The following NFIB variants were observed in gnomAD, a reference collection of about 807,000 sequenced individuals.
NFIB encodes nuclear factor I B.
In NFIB, 11 loss-of-function variants were observed where a neutral mutation model predicts 61.5. That is an observed-to-expected ratio of 0.18 (90% CI 0.11 to 0.30). The LOEUF (loss-of-function observed/expected upper bound fraction) is 0.30, where lower values mean the gene tolerates loss of function less well. Ranked by LOEUF, NFIB falls within the 10% of genes least tolerant of loss-of-function variation. NFIB has a pLI of 1.00. For missense variants in NFIB, 471 were observed against 608.9 expected, an observed-to-expected ratio of 0.77 and a Z score of 2.38; for synonymous variants, 260 against 216.5, an observed-to-expected ratio of 1.20 and a Z score of -1.76.
chr9:14,464,167 T>C, the NFIB span, among the ~76,000 whole-genome samples: 35 of 152,250 alleles, frequency 2.3e-4, no homozygotes, highest in African/African-American at 6.7e-4. Flanking sequence ...AAATTGAAGA[T>C]AGAGAGACCA....
At chr9:14,420,492 G>C in the NFIB span, among the ~76,000 whole-genome samples, 2 of 137,978 alleles carry the variant, frequency 1.4e-5, no homozygotes, top group South Asian at 2.3e-4. Flanking sequence ...AGAAAGGCTG[G>C]AAAGATAATC....
At chr9:14,367,233 T>A (rs528552409) in intron 1 of NFIB, among the ~76,000 whole-genome samples, 3 of 152,108 alleles carry the variant, frequency 2.0e-5, no homozygotes, top group African/African-American at 7.2e-5. Context: ...GAGACAAACA[T>A]GTTAACAAGG....
At chr9:14,314,797 T>C (rs74646167), upstream of NFIB, among the ~76,000 whole-genome samples, 2,441 of 148,082 alleles carry the variant, frequency 0.016, 41 homozygotes, top group Non-Finnish European at 0.025. Flanking sequence ...ATGACTTTTT[T>C]TTTTTTTCCA....
At chr9:14,478,385 C>G in the NFIB span, among the ~76,000 whole-genome samples, 6 of 152,180 alleles carry the variant, frequency 3.9e-5, no homozygotes, top group Non-Finnish European at 8.8e-5. Context: ...CTCCTTCCTT[C>G]AAACATACAG....
intron 1 of NFIB, among the ~76,000 whole-genome samples, chr9:14,365,947 G>T (rs537519436): frequency 6.6e-6 from 1 of 152,270 alleles, no homozygotes; most frequent in South Asian, 2.1e-4. Context: ...CCAGATGTGG[G>T]CTTAGGGATC....
At position 14,175,167 on chromosome 9, in the gene NFIB, C is replaced by CTTTTTTTTTT. The variant is rs55765054; in HGVS notation, c.616+4550_616+4559dup. On this transcript the variant is annotated intron_variant, in intron 3 of 10. Transcript: ENST00000380953. ...AAAATTTTTATGACTTAAAGAATTT[C>CTTTTTTTTTT]TTTTTTTTTTTTTTTTTTTTGAGAT... Among the ~76,000 whole-genome samples, 48 of 126,032 alleles carry CTTTTTTTTTT rather than the reference C, an allele frequency of 3.8e-4. 5 individuals carry two copies. The highest frequency in any genetic ancestry group is 1.5e-3 in the African/African-American group (46 of 30,536). The allele number at this position is 126,032 out of a possible 152,430, so 82.7% of individuals were successfully genotyped here. A position where few individuals can be genotyped will look rare whatever the true frequency, so the allele number is the denominator to read the frequency against.
the NFIB span, among the ~76,000 whole-genome samples, chr9:14,409,428 C>T: frequency 1.2e-4 from 18 of 152,206 alleles, no homozygotes; most frequent in South Asian, 6.2e-4. Context: ...ACCAGCCACA[C>T]GGCTGGATTG....
At chr9:14,462,937 C>G in the NFIB span, among the ~76,000 whole-genome samples, 4 of 152,262 alleles carry the variant, frequency 2.6e-5, no homozygotes, top group South Asian at 8.3e-4. Context: ...GTTTCAAAGG[C>G]TGATTGTAGT....
At chr9:14,297,095 A>T (rs984837461) in intron 2 of NFIB, among the ~76,000 whole-genome samples, 1 of 152,214 alleles carries the variant, frequency 6.6e-6, no homozygotes. Flanking sequence ...CTTTAACTCA[A>T]CAGGTGAGAT....
chr9:14,508,659 G>A, the NFIB span, among the ~76,000 whole-genome samples: 1 of 152,232 alleles, frequency 6.6e-6, no homozygotes, highest in South Asian at 2.1e-4. Flanking sequence ...AAGCCCGAAT[G>A]GGATGTGGTG....
chr9:14,408,640 G>T, the NFIB span, among the ~76,000 whole-genome samples: 1 of 152,152 alleles, frequency 6.6e-6, no homozygotes, highest in Non-Finnish European at 1.5e-5. Flanking sequence ...TCTTTATTTT[G>T]AATGGTCATG....
the NFIB span, among the ~76,000 whole-genome samples, chr9:14,428,778 G>A: frequency 6.6e-6 from 1 of 152,176 alleles, no homozygotes; most frequent in African/African-American, 2.4e-5. Flanking sequence ...GATTGCAGGT[G>A]GAGTCTGGTC....
chr9:14,306,884 A>T (rs1423062149), intron 2 of NFIB, 105 bp downstream of exon 2: 15 of 1,371,706 alleles, frequency 1.1e-5, no homozygotes, highest in Non-Finnish European at 1.4e-5. Flanking sequence ...AGGGTGGAGG[A>T]TATCTAGGGG....
At chr9:14,449,108 T>C in the NFIB span, among the ~76,000 whole-genome samples, 2 of 152,178 alleles carry the variant, frequency 1.3e-5, no homozygotes, top group Non-Finnish European at 2.9e-5. Context: ...TCCCAGACCT[T>C]AAAGGGCAGG....
At chr9:14,399,748 T>A (rs1380038859), upstream of NFIB, among the ~76,000 whole-genome samples, 1 of 152,184 alleles carries the variant, frequency 6.6e-6, no homozygotes, top group African/African-American at 2.4e-5. Flanking sequence ...AATACTGCAA[T>A]ATTCAGTGAG....
At chr9:14,251,445 C>T (rs2055605118) in intron 2 of NFIB, among the ~76,000 whole-genome samples, 1 of 152,194 alleles carries the variant, frequency 6.6e-6, no homozygotes, top group Admixed American at 6.5e-5. Flanking sequence ...CTCAATGGGG[C>T]TCCCAGCCAA....
At chr9:14,309,210 C>G (rs541339649) in intron 1 of NFIB, among the ~76,000 whole-genome samples, 8 of 152,156 alleles carry the variant, frequency 5.3e-5, no homozygotes, top group Non-Finnish European at 1.0e-4. Flanking sequence ...GAAAGTACAA[C>G]TAATGACTCT....
chr9:14,391,807 G>C (rs971369933), intron 1 of NFIB, among the ~76,000 whole-genome samples: 4 of 152,156 alleles, frequency 2.6e-5, no homozygotes, highest in African/African-American at 9.7e-5. Context: ...GAACTCTCAA[G>C]TTGCCTACTT....
At chr9:14,112,376 C>T (rs1812309039) in intron 10 of NFIB, among the ~76,000 whole-genome samples, 1 of 152,118 alleles carries the variant, frequency 6.6e-6, no homozygotes, top group South Asian at 2.1e-4. Context: ...GTAAACACTT[C>T]ATTTGCATTA....
Sources: allele counts gnomAD v4.1 joint callset (sites outside exome capture counted in the v4.1 genomes callset), GRCh38; gene constraint gnomAD v4.1.1; transcripts MANE v1.5; gene names NCBI Gene and HGNC (gene_info 2026-07-23, HGNC 2026-07-21).